PTGFR: variants seen among roughly 807,000 people sequenced by gnomAD.
PTGFR encodes the protein prostaglandin F2-alpha receptor.
Under a neutral mutation model 26.2 loss-of-function variants are expected in PTGFR, and 15 were observed. That is an observed-to-expected ratio of 0.57 (90% CI 0.38 to 0.88). The LOEUF (loss-of-function observed/expected upper bound fraction) is 0.88. PTGFR is among the 40% of genes least tolerant of loss of function. The pLI, the probability that PTGFR is intolerant of heterozygous loss-of-function variation, is 0.00. For synonymous variants in PTGFR, 165 were observed against 151.1 expected, an observed-to-expected ratio of 1.09 and a Z score of -0.68; for missense variants, 369 against 427.2, an observed-to-expected ratio of 0.86 and a Z score of 1.20.
chr1:78,521,528 A>G (rs573963920), intron 2 of PTGFR, among the ~76,000 whole-genome samples: 1 of 152,240 alleles, frequency 6.6e-6, no homozygotes, highest in East Asian at 1.9e-4. Context: ...ATTTTATTCT[A>G]TAGTTGGTAT....
chr1:78,536,802 G>A lies in PTGFR; in HGVS notation c.*115G>A. 1 of 1,128,970 alleles carries A rather than the reference G, an allele frequency of 8.9e-7. No individual in the cohort carries two copies. Among genetic ancestry groups the A allele is most frequent in the South Asian group, 1.7e-5 (1 of 58,480 alleles). The allele number at this position is 1,128,970 out of a possible 1,614,324, so 69.9% of individuals were successfully genotyped here. ...TGGAAAATTCAGGCTTCATCATGTA[G>A]TTTGAAGATACTATTGTCAGATTCA... is the stretch of plus-strand genomic sequence containing the variant. On this transcript the variant is annotated 3_prime_UTR_variant, in exon 3 of 3. Transcript: ENST00000370757.
At chr1:78,532,459 T>C (rs1324732276) in intron 2 of PTGFR, 1 of 123,124 alleles carries the variant, frequency 8.1e-6, no homozygotes, top group Non-Finnish European at 1.6e-5. Context: ...TATATGTGTA[T>C]ATATTTGTGT....
Position 78,536,828 on chromosome 1 carries a change from G to T in PTGFR, c.*141G>T. 3 of 1,002,270 alleles carry T rather than the reference G, an allele frequency of 3.0e-6. No homozygotes were observed. The highest frequency in any genetic ancestry group is 2.0e-5 in the South Asian group (1 of 50,676). The allele number at this position is 1,002,270 out of a possible 1,614,324, so 62.1% of individuals were successfully genotyped here. On this transcript the variant is annotated 3_prime_UTR_variant, in exon 3 of 3. Transcript: ENST00000370757. ...TTTGAAGATACTATTGTCAGATTCA[G>T]GTTTTGAAATTTGTCAAATAAACAG...
At chr1:78,497,295 A>C (rs1245420732) in intron 2 of PTGFR, among the ~76,000 whole-genome samples, 2 of 152,156 alleles carry the variant, frequency 1.3e-5, no homozygotes, top group African/African-American at 4.8e-5. Flanking sequence ...CTAACTGAAA[A>C]ATACAGGAAA....
chr1:78,521,784 T>G (rs920713277), intron 2 of PTGFR, among the ~76,000 whole-genome samples: 4 of 152,146 alleles, frequency 2.6e-5, no homozygotes, highest in Admixed American at 2.6e-4. Context: ...CATCTACACT[T>G]TCTCCAGTAA....
chr1:78,534,572 T>C (rs1650599675), intron 2 of PTGFR, among the ~76,000 whole-genome samples: 1 of 152,178 alleles, frequency 6.6e-6, no homozygotes, highest in African/African-American at 2.4e-5. Context: ...TCTAAAAAAT[T>C]AGTGAATTTG....
Position 78,537,515 on chromosome 1 carries a change from A to G in PTGFR, c.*828A>G, listed in dbSNP as rs1195014488. 1 of 152,158 alleles carries G rather than the reference A, an allele frequency of 6.6e-6. No individual in the cohort carries two copies. The highest frequency in any genetic ancestry group is 1.5e-5 in the Non-Finnish European group (1 of 68,028). The allele number at this position is 152,158 out of a possible 1,614,324, so 9.4% of individuals were successfully genotyped here. A position where few individuals can be genotyped will look rare whatever the true frequency, so the allele number is the denominator to read the frequency against. ...TCAAAACTCTACCATGGATAATGCAAACAAACCGAAGCTACATGCCAATGA... is the reference window on the plus strand; with the variant it reads ...TCAAAACTCTACCATGGATAATGCAGACAAACCGAAGCTACATGCCAATGA... On this transcript the variant is annotated 3_prime_UTR_variant, in exon 3 of 3. Transcript: ENST00000370757.
At chr1:78,522,748 C>T (rs1361364138) in intron 2 of PTGFR, among the ~76,000 whole-genome samples, 2 of 152,050 alleles carry the variant, frequency 1.3e-5, no homozygotes, top group Non-Finnish European at 2.9e-5. Context: ...TGTATTCTCT[C>T]CCTTGGACGC....
chr1:78,539,024 C>A lies in PTGFR; in HGVS notation c.*2337C>A, dbSNP rs149257294. On this transcript the variant is annotated 3_prime_UTR_variant, in exon 3 of 3. Transcript: ENST00000370757. Reference sequence around the variant, plus strand: ...TTTTTCTAAAAAGATGAGACAAAAGCAAAAATATCACACATAGGTTTTTAT... The same window carrying A: ...TTTTTCTAAAAAGATGAGACAAAAGAAAAAATATCACACATAGGTTTTTAT... 1 of 151,700 alleles carries A rather than the reference C, an allele frequency of 6.6e-6. No individual in the cohort carries two copies. The highest frequency in any genetic ancestry group is 2.4e-5 in the African/African-American group (1 of 41,310). 9.4% of individuals were successfully genotyped at this position (151,700 alleles called of 1,614,324 possible).
intron 2 of PTGFR, among the ~76,000 whole-genome samples, chr1:78,507,399 T>A (rs1649852718): frequency 6.6e-6 from 1 of 152,210 alleles, no homozygotes; most frequent in South Asian, 2.1e-4. Flanking sequence ...CTTGGTTCCA[T>A]AGGAGCTTAT....
intron 2 of PTGFR, among the ~76,000 whole-genome samples, chr1:78,514,533 GAA>G (rs1650047772): frequency 6.6e-6 from 1 of 152,086 alleles, no homozygotes; most frequent in African/African-American, 2.4e-5. Context: ...TTTTATAGGT[GAA>G]AGAAACTCAT....
chr1:78,536,393 T>C lies in PTGFR; in HGVS notation c.799-13T>C. 1 of 1,592,054 alleles carries C rather than the reference T, an allele frequency of 6.3e-7. No homozygotes were observed. The highest frequency in any genetic ancestry group is 8.5e-7 in the Non-Finnish European group (1 of 1,171,480). The stretch of plus-strand genomic sequence containing the variant: ...GCTGCATCAACTAATTTCCGTGTTT[T>C]CTTCGTTTCTAGGTTACAATGGCCA... On this transcript the variant is annotated splice_polypyrimidine_tract_variant and intron_variant, in intron 2 of 2. Transcript: ENST00000370757.
At chr1:78,508,806 G>A (rs1041421979) in intron 2 of PTGFR, among the ~76,000 whole-genome samples, 4 of 151,788 alleles carry the variant, frequency 2.6e-5, no homozygotes, top group South Asian at 2.1e-4. Flanking sequence ...AAATTATAAC[G>A]GCAAGCCTTA....
chr1:78,530,711 G>A (rs893181950), intron 2 of PTGFR, among the ~76,000 whole-genome samples: 1 of 152,162 alleles, frequency 6.6e-6, no homozygotes, highest in African/African-American at 2.4e-5. Context: ...TTAAAACAGT[G>A]CCTGAAACAT....
intron 2 of PTGFR, among the ~76,000 whole-genome samples, chr1:78,519,311 C>T (rs114633596): frequency 8.6e-4 from 131 of 152,044 alleles, no homozygotes; most frequent in African/African-American, 3.0e-3. Context: ...ACGTGTCCTT[C>T]GGCAAATTAT....
At position 78,493,407 on chromosome 1, in the gene PTGFR, A is replaced by G. The variant is rs755551230; in HGVS notation, c.664A>G (p.Ile222Val). The G allele has an allele frequency of 1.5e-5, 25 of 1,613,558 alleles. No homozygotes were observed. The highest frequency in any genetic ancestry group is 8.9e-5 in the East Asian group (4 of 44,894). The change falls in exon 2 of 3, where the codon ATC (isoleucine) becomes GTC (valine). Residue 222 changes from isoleucine to valine, a missense_variant. Physicochemically the swap from Ile to Val is conservative, Grantham distance 29 (BLOSUM62 3). Coordinates refer to ENST00000370757, the MANE Select transcript of PTGFR (RefSeq NM_000959.4). The stretch of plus-strand genomic sequence containing the variant: ...TGGTGTTTCATTGTTGTGCAATGCA[A>G]TCACAGGAATTACACTTTTAAGAGT... ...ALGVSLLCNA[I>V]TGITLLRVKF...
chr1:78,497,894 T>C (rs143034566), intron 2 of PTGFR: 449 of 1,592,974 alleles, frequency 2.8e-4, no homozygotes, highest in Non-Finnish European at 3.4e-4. Context: ...TAATTTTGAA[T>C]GGGAAAGAGA....
chr1:78,502,996 C>T (rs1649746795), intron 2 of PTGFR, among the ~76,000 whole-genome samples: 1 of 151,956 alleles, frequency 6.6e-6, no homozygotes, highest in African/African-American at 2.4e-5. Context: ...TTTCTCTGGG[C>T]TATCATTTAC....
At chr1:78,535,968 A>G (rs1257743183) in intron 2 of PTGFR, among the ~76,000 whole-genome samples, 1 of 152,138 alleles carries the variant, frequency 6.6e-6, no homozygotes, top group Non-Finnish European at 1.5e-5. Context: ...TTTGTCATAT[A>G]CCATTTGCAA....
Sources: gnomAD v4.1 joint callset for allele counts (sites outside exome capture counted in the v4.1 genomes callset) on GRCh38, gnomAD v4.1.1 for gene constraint, MANE v1.5 for transcripts, NCBI Gene and HGNC (gene_info 2026-07-23, HGNC 2026-07-21) for gene names.